Variants in ZNF853 observed in about 807,000 individuals in gnomAD.
The protein encoded by ZNF853 is zinc finger protein 853.
Under a neutral mutation model 94.7 loss-of-function variants are expected in ZNF853, and 57 were observed. The ratio of observed to expected loss-of-function variants is 0.60; its 90% CI spans 0.49 to 0.75. The LOEUF (loss-of-function observed/expected upper bound fraction) is 0.75. Among genes scored for constraint, ZNF853 ranks in the 30% least tolerant of loss-of-function variants. The pLI is 0.00. For synonymous variants in ZNF853, 448 were observed against 406.3 expected (o/e 1.10, Z -1.23); for missense variants, 785 against 868.9 (o/e 0.90, Z 1.21).
intron 2 of ZNF853, chr7:6,617,690 C>T: frequency 1.0e-6 from 1 of 977,366 alleles, no homozygotes; most frequent in Non-Finnish European, 1.2e-6. Context: ...TCCTCTGCCC[C>T]TCCTGCCCCA....
At chr7:6,617,153 C>T in intron 1 of ZNF853, 37 bp from the exon 2 acceptor site, 1 of 1,509,440 alleles carries the variant, frequency 6.6e-7, no homozygotes, top group Non-Finnish European at 8.9e-7. Flanking sequence ...TCAAAGCACT[C>T]CAGCCTGGCT....
intron 1 of ZNF853, 41 bp from the exon 2 acceptor site, chr7:6,617,149 C>G: frequency 6.7e-7 from 1 of 1,491,078 alleles, no homozygotes. Flanking sequence ...GGGGTCAAAG[C>G]ACTCCAGCCT....
chr7:6,621,247 C>A lies in ZNF853; in HGVS notation c.256C>A (p.Gln86Lys), dbSNP rs768638475. 11 of 1,548,952 alleles carry A rather than the reference C, an allele frequency of 7.1e-6. 1 individual carries two copies. The South Asian group carries it at 1.1e-4, about 15-fold the overall frequency. Residue 86 changes from glutamine (Q) to lysine (K), a missense_variant, in exon 3 of 3, where the codon CAA becomes AAA. Gln to Lys is a moderately conservative substitution (Grantham distance 53). Coordinates refer to ENST00000457543, the MANE Select transcript of ZNF853 (RefSeq NM_017560.3). ...AATCGCTGAGGAAACCCGGCCGGGA[C>A]AACGAGAGTTGCAACTGCAGCAGTT... ...SEIAEETRPG[Q>K]RELQLQQLEQ...
rs761277862 is a variant in ZNF853, at chr7:6,621,851, AGCAGCAGCAGCAACAGCAGCTGTT to A, written c.864_887del (p.Gln292_Gln299del). 1.3e-6 allele frequency: 2 copies of A among 1,550,630 alleles called. No individual in the cohort carries two copies. The highest frequency in any genetic ancestry group is 3.9e-5 in the Admixed American group (2 of 50,988). On this transcript the variant is annotated inframe_deletion, in exon 3 of 3. Coordinates refer to ENST00000457543, the MANE Select transcript of ZNF853 (RefSeq NM_017560.3). Reference sequence around the variant, plus strand: ...CTGCTGCAGCAGCAGGAACAGTTACAGCAGCAGCAGCAACAGCAGCTGTTGCAACAGCAGCAGGAACAATTGCAG... The same window carrying A: ...CTGCTGCAGCAGCAGGAACAGTTACAGCAACAGCAGCAGGAACAATTGCAG...
chr7:6,616,708 C>T, intron 1 of ZNF853, among the ~76,000 whole-genome samples: 1 of 151,216 alleles, frequency 6.6e-6, no homozygotes, highest in African/African-American at 2.4e-5. Context: ...GCACTCCAGC[C>T]TGGGTGACAG....
Position 6,623,542 on chromosome 7 carries a change from TGAA to T in ZNF853, c.*572_*574del, listed in dbSNP as rs1782686506. 2.6e-6 allele frequency: 1 copy of T among 391,498 alleles called. No individual in the cohort carries two copies. Among genetic ancestry groups the T allele is most frequent in the Non-Finnish European group, 4.5e-6 (1 of 222,114 alleles). The allele number at this position is 391,498 out of a possible 1,614,324, so 24.3% of individuals were successfully genotyped here. On this transcript the variant is annotated 3_prime_UTR_variant, in exon 3 of 3. Transcript: ENST00000457543. ...TTCATCAGGGTGGGTATAATTCTGA[TGAA>T]AACGCCTGTGTTCATCAACACAGGG... is the stretch of plus-strand genomic sequence containing the variant.
At chr7:6,620,272 A>C in intron 2 of ZNF853, among the ~76,000 whole-genome samples, 1 of 152,154 alleles carries the variant, frequency 6.6e-6, no homozygotes, top group African/African-American at 2.4e-5. Context: ...GCTTTATATA[A>C]ATTCTTTATT....
Position 6,623,590 on chromosome 7 carries a change from G to T in ZNF853, c.*619G>T, listed in dbSNP as rs962607069. On this transcript the variant is annotated 3_prime_UTR_variant, in exon 3 of 3. Coordinates refer to ENST00000457543, the MANE Select transcript of ZNF853 (RefSeq NM_017560.3). ...ACAGGGTCAGAGCGCTCACCGGGTC[G>T]ATGTGCAAATCCAAGCCAGGAAGTC... The T allele has an allele frequency of 5.8e-5, 21 of 363,812 alleles. No individual in the cohort carries two copies. Among genetic ancestry groups the T allele is most frequent in the African/African-American group, 3.8e-4 (18 of 47,980 alleles). 22.5% of individuals were successfully genotyped at this position (363,812 alleles called of 1,614,324 possible).
At chr7:6,619,416 C>T in intron 2 of ZNF853, among the ~76,000 whole-genome samples, 24 of 152,066 alleles carry the variant, frequency 1.6e-4, no homozygotes, top group African/African-American at 4.1e-4. Context: ...GGACTACAGG[C>T]GCACACCACC....
In ZNF853 at chr7:6,623,648, A is replaced by C. The variant is rs1014352611; in HGVS notation, c.*677A>C. 7.1e-6 allele frequency: 2 copies of C among 279,872 alleles called. No homozygotes were observed. The highest frequency in any genetic ancestry group is 4.4e-5 in the African/African-American group (2 of 45,846). The allele number at this position is 279,872 out of a possible 1,614,324, so 17.3% of individuals were successfully genotyped here. ...GGGTGGAAGGTAAAACCTTCCCTCCAGGGAACCAGGGGCTCCGGCGGGCAT... is the reference window on the plus strand; with the variant it reads ...GGGTGGAAGGTAAAACCTTCCCTCCCGGGAACCAGGGGCTCCGGCGGGCAT... On this transcript the variant is annotated 3_prime_UTR_variant, in exon 3 of 3. Coordinates refer to ENST00000457543, the MANE Select transcript of ZNF853 (RefSeq NM_017560.3).
rs529082009 is a variant in ZNF853 at position 6,623,949 on chromosome 7, T to G, written c.*978T>G. ...ACCAGGCTGTGGAGGTTTGGAGGGC[T>G]GCCTGAGCAGACACTGTGCCATTGC... On this transcript the variant is annotated 3_prime_UTR_variant, in exon 3 of 3. Transcript: ENST00000457543. The G allele has an allele frequency of 6.6e-6, 1 of 152,514 alleles. No individual in the cohort carries two copies. Among genetic ancestry groups the G allele is most frequent in the East Asian group, 1.9e-4 (1 of 5,186 alleles). 9.4% of individuals were successfully genotyped at this position (152,514 alleles called of 1,614,324 possible). A position where few individuals can be genotyped will look rare whatever the true frequency, so the allele number is the denominator to read the frequency against.
Position 6,623,097 on chromosome 7 carries a change from CCATCAT to C in ZNF853, c.*140_*145del. ...ATATCCCTGGAGTAAAAGGCTTCCACCATCATCATCATCATCATCTTCCGGATTCCC... is the reference window on the plus strand; with the variant it reads ...ATATCCCTGGAGTAAAAGGCTTCCACCATCATCATCATCTTCCGGATTCCC... On this transcript the variant is annotated 3_prime_UTR_variant, in exon 3 of 3. Coordinates refer to ENST00000457543, the MANE Select transcript of ZNF853 (RefSeq NM_017560.3). The C allele has an allele frequency of 1.3e-6, 1 of 743,544 alleles. No individual in the cohort carries two copies. Among genetic ancestry groups the C allele is most frequent in the Non-Finnish European group, 1.8e-6 (1 of 541,392 alleles). 46.1% of individuals were successfully genotyped at this position (743,544 alleles called of 1,614,324 possible). A position where few individuals can be genotyped will look rare whatever the true frequency, so the allele number is the denominator to read the frequency against.
In ZNF853 at chr7:6,616,164, G is replaced by A; in HGVS notation, c.-11G>A. ...CACCTCCCTAGCGCAGAGGCTGCCC[G>A]GGAGCAGGAAATGCTCCACCAGGTG... is the stretch of plus-strand genomic sequence containing the variant. On this transcript the variant is annotated 5_prime_UTR_variant, in exon 1 of 3. Coordinates refer to ENST00000457543, the MANE Select transcript of ZNF853 (RefSeq NM_017560.3). The A allele has an allele frequency of 1.3e-6, 2 of 1,547,502 alleles. No individual in the cohort carries two copies. The highest frequency in any genetic ancestry group is 1.7e-6 in the Non-Finnish European group (2 of 1,144,724).
intron 2 of ZNF853, among the ~76,000 whole-genome samples, chr7:6,619,032 ATTTTTTTTT>A: frequency 1.2e-5 from 1 of 86,874 alleles, no homozygotes; most frequent in African/African-American, 4.7e-5. Context: ...CCCTTGGTGG[ATTTTTTTTT>A]TTTTTTTTTT....
intron 2 of ZNF853, among the ~76,000 whole-genome samples, chr7:6,620,833 C>T: frequency 5.9e-5 from 9 of 152,178 alleles, no homozygotes; most frequent in Non-Finnish European, 8.8e-5. Flanking sequence ...AGGCTGGTTT[C>T]GAACTCCTGA....
Position 6,622,254 on chromosome 7 carries a change from C to A in ZNF853, c.1263C>A (p.Gly421=), listed in dbSNP as rs759299469. ...TGGAACTGGTGCCAGCCGCAGGGGG[C>A]GGCGGAGCGGCGGTCCCGGGGGCTC... ...LQLELVPAAG[G]GGAAVPGAPA... is the part of the protein sequence containing the mutation. Residue 421 remains glycine, a synonymous_variant, in exon 3 of 3, where the codon GGC becomes GGA. Transcript: ENST00000457543. The A allele has an allele frequency of 4.6e-6, 7 of 1,511,940 alleles. No individual in the cohort carries two copies. The South Asian group carries it at 8.7e-5, about 19-fold the overall frequency. The allele number at this position is 1,511,940 out of a possible 1,614,324, so 93.7% of individuals were successfully genotyped here.
chr7:6,617,428 A>T, intron 2 of ZNF853, 121 bp downstream of exon 2: 3 of 945,228 alleles, frequency 3.2e-6, no homozygotes, highest in African/African-American at 3.5e-5. Flanking sequence ...TGCATTGAGT[A>T]ACACCAGCAG....
chr7:6,616,206 T>A lies in ZNF853; in HGVS notation c.12+20T>A. The A allele has an allele frequency of 1.9e-5, 30 of 1,547,542 alleles. 1 individual carries two copies. The South Asian group carries it at 3.6e-4, about 18-fold the overall frequency. ...CACCAGGTGAGGCCCAGGGGGTCGT[T>A]GGCGCTGGGCAACCGGGGACGCGTC... On this transcript the variant is annotated intron_variant, in intron 1 of 2. Coordinates refer to ENST00000457543, the MANE Select transcript of ZNF853 (RefSeq NM_017560.3).
In ZNF853 at chr7:6,622,756, C is replaced by T. The variant is rs1393322858; in HGVS notation, c.1765C>T (p.Arg589Cys). 6.5e-7 allele frequency: 1 copy of T among 1,549,656 alleles called. No homozygotes were observed. Residue 589 changes from arginine (R) to cysteine (C), a missense_variant, in exon 3 of 3, where the codon CGC becomes TGC. By Grantham distance (180) the Arg-to-Cys change is radical. Coordinates refer to ENST00000457543, the MANE Select transcript of ZNF853 (RefSeq NM_017560.3). ...SVSSNLLRHR[R>C]THSGERPYVC... ...CTCCTCCAACCTGCTGCGCCACCGG[C>T]GCACGCACTCGGGCGAGCGGCCCTA...
Sources: gnomAD v4.1 joint callset for allele counts (sites outside exome capture counted in the v4.1 genomes callset) on GRCh38, gnomAD v4.1.1 for gene constraint, MANE v1.5 for transcripts, NCBI Gene and HGNC (gene_info 2026-07-23, HGNC 2026-07-21) for gene names.